Variants in DEFB131A observed in about 807,000 individuals in gnomAD.
The protein encoded by DEFB131A is beta-defensin 131A.
A neutral mutation model predicts 2.4 loss-of-function variants in DEFB131A; 5 were observed. The observed-to-expected ratio is 2.12, with a 90% CI of 1.11 to 4.47. DEFB131A has a LOEUF of 4.47. Ranked by LOEUF, DEFB131A falls within the 30% of genes most tolerant of loss-of-function variation. The probability of loss-of-function intolerance (pLI) is 0.00; values close to 1 mark genes in which losing one functional copy is unlikely to be tolerated. For missense variants in DEFB131A, 120 were observed against 79.9 expected, an observed-to-expected ratio of 1.50 and a Z score of -1.91; for synonymous variants, 34 against 25.7, an observed-to-expected ratio of 1.32 and a Z score of -0.97.
At chr4:9,445,989 G>T (rs1407923947) in intron 1 of DEFB131A, among the ~76,000 whole-genome samples, 1 of 152,014 alleles carries the variant, frequency 6.6e-6, no homozygotes, top group Non-Finnish European at 1.5e-5. Context: ...TTGTGGCATA[G>T]ATTCGTACTT....
chr4:9,444,834 G>C (rs569973842), intron 1 of DEFB131A, among the ~76,000 whole-genome samples: 8 of 151,810 alleles, frequency 5.3e-5, no homozygotes, highest in Non-Finnish European at 7.4e-5. Context: ...CCAGCACTTG[G>C]GGAGTTTGAG....
Position 9,444,474 on chromosome 4 carries a change from C to T in DEFB131A, c.-60C>T, listed in dbSNP as rs1268898260. The T allele has an allele frequency of 1.8e-5, 28 of 1,584,390 alleles. No individual in the cohort carries two copies. Among genetic ancestry groups the T allele is most frequent in the Non-Finnish European group, 2.4e-5 (28 of 1,160,942 alleles). ...TCACCTCTTCAGAGAACTGAATGTA[C>T]ACAGAAGTCCTCTTCATCTCAGCTA... On this transcript the variant is annotated 5_prime_UTR_variant, in exon 1 of 2. Coordinates refer to ENST00000334879, the MANE Select transcript of DEFB131A (RefSeq NM_001040448.3).
chr4:9,450,420 G>T lies in DEFB131A; in HGVS notation c.119G>T (p.Cys40Phe), dbSNP rs1717626635. ...GAATATTATCATTGCAGACTGAAGT[G>T]CAATGCTGATGAACATGCAATTAGA... ...PSEYYHCRLK[C>F]NADEHAIRYC... Residue 40 changes from cysteine to phenylalanine, a missense_variant, in exon 2 of 2, where the codon TGC becomes TTC. By Grantham distance (205) the Cys-to-Phe change is radical. Coordinates refer to ENST00000334879, the MANE Select transcript of DEFB131A (RefSeq NM_001040448.3). 3.7e-6 allele frequency: 6 copies of T among 1,609,148 alleles called. No homozygotes were observed. The highest frequency in any genetic ancestry group is 1.1e-5 in the South Asian group (1 of 90,460).
intron 1 of DEFB131A, among the ~76,000 whole-genome samples, 168 bp from the exon 2 acceptor site, chr4:9,450,192 G>C (rs958260425): frequency 6.6e-6 from 1 of 152,046 alleles, no homozygotes; most frequent in South Asian, 2.1e-4. Context: ...AGAAATCATC[G>C]CTTGTCTTTA....
chr4:9,449,150 T>C (rs1229060614), intron 1 of DEFB131A, among the ~76,000 whole-genome samples: 1 of 150,566 alleles, frequency 6.6e-6, no homozygotes, highest in Non-Finnish European at 1.5e-5. Flanking sequence ...GACTGGTACA[T>C]TAAAAATTGC....
intron 1 of DEFB131A, among the ~76,000 whole-genome samples, chr4:9,446,018 T>C (rs1380928551): frequency 1.3e-5 from 2 of 152,084 alleles, no homozygotes; most frequent in Non-Finnish European, 1.5e-5. Flanking sequence ...CATTCAGTGG[T>C]CATCAGTATA....
rs553180588 is a variant in DEFB131A, at chr4:9,446,364, G to A, written c.58+1773G>A. 9.3e-4 allele frequency among the ~76,000 whole-genome samples: 141 copies of A among 151,964 alleles called. 2 individuals are homozygous for A. The highest frequency in any genetic ancestry group is 1.5e-3 in the Non-Finnish European group (101 of 67,932). ...TGGTGTTGGTAAAAAAAAATTCTTC[G>A]TATGGATTATTTAGCATATGGTTGT... On this transcript the variant is annotated intron_variant, in intron 1 of 1. Coordinates refer to ENST00000334879, the MANE Select transcript of DEFB131A (RefSeq NM_001040448.3).
In DEFB131A at chr4:9,450,556, A is replaced by G. The variant is rs769711582; in HGVS notation, c.*42A>G. On this transcript the variant is annotated 3_prime_UTR_variant, in exon 2 of 2. Transcript: ENST00000334879. ...TTCTTCAGACTCCGGGACAAAAAAC[A>G]TGTCTTAAACTCTCTTATCTATGAA... The G allele has an allele frequency of 1.6e-5, 25 of 1,587,574 alleles. No individual in the cohort carries two copies. The highest frequency in any genetic ancestry group is 2.1e-5 in the Non-Finnish European group (25 of 1,166,320).
intron 1 of DEFB131A, among the ~76,000 whole-genome samples, chr4:9,448,023 A>C (rs897936020): frequency 2.0e-5 from 3 of 152,148 alleles, no homozygotes; most frequent in Admixed American, 6.5e-5. Flanking sequence ...AACAGAAGAA[A>C]TATTTGAAGA....
Position 9,445,341 on chromosome 4 carries a change from A to G in DEFB131A, c.58+750A>G, listed in dbSNP as rs190335852. ...AATAAAACTCATATGATATCATTTA[A>G]TGTATATGGAAATTACTTTTTGTAT... On this transcript the variant is annotated intron_variant, in intron 1 of 1. Transcript: ENST00000334879. Among the ~76,000 whole-genome samples, 28 of 152,202 alleles carry G rather than the reference A, an allele frequency of 1.8e-4. No homozygotes were observed. The East Asian group carries it at 5.0e-3, about 27-fold the overall frequency.
intron 1 of DEFB131A, among the ~76,000 whole-genome samples, chr4:9,448,419 G>A (rs1577080226): frequency 1.3e-5 from 2 of 152,020 alleles, no homozygotes; most frequent in African/African-American, 4.8e-5. Flanking sequence ...CAGTGACCTT[G>A]GCTCACTGCA....
chr4:9,448,521 G>A (rs6850176), intron 1 of DEFB131A, among the ~76,000 whole-genome samples: 19 of 151,982 alleles, frequency 1.3e-4, no homozygotes, highest in African/African-American at 3.9e-4. Flanking sequence ...ACTGGATTCC[G>A]CTAGGTTAGC....
intron 1 of DEFB131A, among the ~76,000 whole-genome samples, chr4:9,445,865 T>G (rs1408078105): frequency 1.3e-5 from 2 of 152,172 alleles, no homozygotes; most frequent in Non-Finnish European, 2.9e-5. Flanking sequence ...GATCTAATTT[T>G]TGTCTCTATG....
rs1273440164 is a variant in DEFB131A, at chr4:9,444,423, GA to G, written c.-108del. 1.6e-6 allele frequency: 2 copies of G among 1,214,956 alleles called. No homozygotes were observed. Among genetic ancestry groups the G allele is most frequent in the Non-Finnish European group, 1.2e-6 (1 of 853,930 alleles). The allele number at this position is 1,214,956 out of a possible 1,614,324, so 75.3% of individuals were successfully genotyped here. The stretch of plus-strand genomic sequence containing the variant: ...GAAACACAGAAATGTTCTTGCTCCT[GA>G]AAGGTTCAATAATCACTCAACAACT... On this transcript the variant is annotated 5_prime_UTR_variant, in exon 1 of 2. Transcript: ENST00000334879.
At chr4:9,447,227 C>T (rs189692782) in intron 1 of DEFB131A, among the ~76,000 whole-genome samples, 5 of 152,142 alleles carry the variant, frequency 3.3e-5, no homozygotes, top group Non-Finnish European at 5.9e-5. Flanking sequence ...GTATCTCTCT[C>T]TTTAGCTCTA....
intron 1 of DEFB131A, among the ~76,000 whole-genome samples, chr4:9,447,978 G>A (rs10030667): frequency 2.6e-5 from 4 of 152,026 alleles, no homozygotes; most frequent in Non-Finnish European, 4.4e-5. Flanking sequence ...AACAATATAT[G>A]TGTAATGAAA....
chr4:9,449,026 G>A (rs927588597), intron 1 of DEFB131A, among the ~76,000 whole-genome samples: 4 of 151,778 alleles, frequency 2.6e-5, no homozygotes, highest in Admixed American at 6.6e-5. Flanking sequence ...ACGAATATCA[G>A]TTGTGTTTCT....
At chr4:9,448,003 G>A (rs1717546843) in intron 1 of DEFB131A, among the ~76,000 whole-genome samples, 1 of 152,020 alleles carries the variant, frequency 6.6e-6, no homozygotes, top group African/African-American at 2.4e-5. Flanking sequence ...AGGAGGAGGG[G>A]AAAGAAAGGA....
intron 1 of DEFB131A, among the ~76,000 whole-genome samples, chr4:9,447,418 C>A (rs559891136): frequency 4.6e-5 from 7 of 152,048 alleles, no homozygotes; most frequent in African/African-American, 1.4e-4. Context: ...TGTATTAGGC[C>A]ATTCTTGCAT....
Sources: gnomAD v4.1 joint callset for allele counts (sites outside exome capture counted in the v4.1 genomes callset) on GRCh38, gnomAD v4.1.1 for gene constraint, MANE v1.5 for transcripts, NCBI Gene and HGNC (gene_info 2026-07-23, HGNC 2026-07-21) for gene names.